PPFIA4: variants seen among roughly 807,000 people sequenced by gnomAD.
The protein encoded by PPFIA4 is PPFI scaffold protein A4, also known as liprin-alpha-4.
A neutral mutation model predicts 145.7 loss-of-function variants in PPFIA4; 98 were observed. The ratio of observed to expected loss-of-function variants is 0.67; its 90% confidence interval spans 0.57 to 0.80. The LOEUF is 0.80. Among genes scored for constraint, PPFIA4 ranks in the 30% least tolerant of loss-of-function variants. The probability of loss-of-function intolerance (pLI) is 0.00; values close to 1 mark genes in which losing one functional copy is unlikely to be tolerated. For missense variants in PPFIA4, 1,457 were observed against 1,632.7 expected, an observed-to-expected ratio of 0.89 and a Z score of 1.85; for synonymous variants, 628 against 649.6, an observed-to-expected ratio of 0.97 and a Z score of 0.51.
At chr1:203,032,889 G>A (rs957542668) in intron 1 of PPFIA4, among the ~76,000 whole-genome samples, 3 of 152,210 alleles carry the variant, frequency 2.0e-5, no homozygotes, top group South Asian at 2.1e-4. Context: ...GAGGATCATG[G>A]TTTAGACAGT....
At position 203,073,549 on chromosome 1, in the gene PPFIA4, C is replaced by A. The variant is rs186051453; in HGVS notation, c.3393+1789C>A. On this transcript the variant is annotated intron_variant, in intron 28 of 29. Transcript: ENST00000295706. ...GGGGTCCAAGGAGACTGCTTCCTGT[C>A]CAACTGTCTAGCACATCATCAGCAA... Among the ~76,000 whole-genome samples the A allele has an allele frequency of 9.4e-5, 13 of 138,558 alleles. 1 individual carries two copies. In the South Asian group the frequency reaches 3.0e-3, roughly 32 times the overall value. 90.9% of individuals were successfully genotyped at this position (138,558 alleles called of 152,430 possible). A position where few individuals can be genotyped will look rare whatever the true frequency, so the allele number is the denominator to read the frequency against.
chr1:203,071,809 G>A (rs370194724), intron 28 of PPFIA4, 49 bp downstream of exon 28: 52 of 1,483,520 alleles, frequency 3.5e-5, no homozygotes, highest in African/African-American at 1.8e-4. Flanking sequence ...GGTCATCTTC[G>A]TTGGATTGAG....
chr1:203,029,327 C>T (rs1658658022), intron 1 of PPFIA4, among the ~76,000 whole-genome samples: 1 of 152,212 alleles, frequency 6.6e-6, no homozygotes, highest in Non-Finnish European at 1.5e-5. Flanking sequence ...CACTTGGTGG[C>T]TGAGAGGCCT....
At chr1:203,051,593 A>G (rs1403782539) in intron 13 of PPFIA4, 176 bp from the exon 14 acceptor site, 6 of 1,218,966 alleles carry the variant, frequency 4.9e-6, no homozygotes, top group African/African-American at 1.5e-5. Flanking sequence ...GCACCAGGGC[A>G]TACGTCTGCT....
Position 203,026,507 on chromosome 1 carries a change from G to A in PPFIA4, c.-522G>A, listed in dbSNP as rs1320820521. The A allele has an allele frequency of 6.6e-6, 1 of 152,302 alleles. No individual in the cohort carries two copies. The highest frequency in any genetic ancestry group is 1.5e-5 in the Non-Finnish European group (1 of 68,142). The allele number at this position is 152,302 out of a possible 1,614,324, so 9.4% of individuals were successfully genotyped here. A position where few individuals can be genotyped will look rare whatever the true frequency, so the allele number is the denominator to read the frequency against. On this transcript the variant is annotated 5_prime_UTR_variant, in exon 1 of 30. Transcript: ENST00000295706. ...CGGGGCCCCGCGGCCGCGCGCTTGG[G>A]CGGCGGAGGCTGCAGCTACCTCGGC...
Position 203,075,735 on chromosome 1 carries a change from G to T in PPFIA4, c.3552G>T (p.Pro1184=). 7.3e-7 allele frequency: 1 copy of T among 1,378,246 alleles called. No homozygotes were observed. The highest frequency in any genetic ancestry group is 9.4e-7 in the Non-Finnish European group (1 of 1,059,548). The allele number at this position is 1,378,246 out of a possible 1,614,324, so 85.4% of individuals were successfully genotyped here. A position where few individuals can be genotyped will look rare whatever the true frequency, so the allele number is the denominator to read the frequency against. ...TLGTLQPPPA[P]PKKIMPEAHS... ...GGACCCTGCAGCCCCCACCGGCCCC[G>T]CCAAAGAAGATCATGCCTGAAGGTG... Residue 1184 remains proline (P), a synonymous_variant, in exon 29 of 30, where the codon CCG becomes CCT. Transcript: ENST00000295706. The surrounding 1 kb of genome is among the most constrained non-coding windows in gnomAD (Gnocchi z 4.1).
intron 23 of PPFIA4, 123 bp downstream of exon 23, chr1:203,061,155 C>T (rs1358591372): frequency 2.2e-6 from 2 of 914,456 alleles, no homozygotes; most frequent in East Asian, 4.8e-5. Flanking sequence ...AGGTTGGTAT[C>T]CCTGAGGTGT....
rs1323593337 is a variant in PPFIA4 at position 203,053,945 on chromosome 1, A to G, written c.1813A>G (p.Ile605Val). 1.3e-6 allele frequency: 2 copies of G among 1,564,576 alleles called. No homozygotes were observed. Among genetic ancestry groups the G allele is most frequent in the South Asian group, 2.4e-5 (2 of 84,900 alleles). The change falls in exon 15 of 30, where the codon ATC becomes GTC. Residue 605 changes from isoleucine (I) to valine (V), a missense_variant. Around this residue, in one of 3 missense-constraint regions of PPFIA4, gnomAD observed 848 missense variants for 1,046.7 expected, o/e 0.81. Transcript: ENST00000295706. ...GATGCTGCAGGAGCAGCTGGATGCCATCAATGAGGAAATCAGGTTAGGGCA... is the reference window on the plus strand; with the variant it reads ...GATGCTGCAGGAGCAGCTGGATGCCGTCAATGAGGAAATCAGGTTAGGGCA... ...AMMLQEQLDAINEEIRMIQEE... is the reference protein window; with the variant it reads ...AMMLQEQLDAVNEEIRMIQEE...
At position 203,075,552 on chromosome 1, in the gene PPFIA4, G is replaced by T; in HGVS notation, c.3394-25G>T. ...ATGGCAATTCCAACAGGGCCCTCGG[G>T]CCTCTGGTGTCCCCCATGGTGCAGG... On this transcript the variant is annotated intron_variant, in intron 28 of 29. Transcript: ENST00000295706. The surrounding 1 kb of genome is among the most constrained non-coding windows in gnomAD (Gnocchi z 4.1). 1 of 1,374,864 alleles carries T rather than the reference G, an allele frequency of 7.3e-7. No homozygotes were observed. 85.2% of individuals were successfully genotyped at this position (1,374,864 alleles called of 1,614,324 possible). A position where few individuals can be genotyped will look rare whatever the true frequency, so the allele number is the denominator to read the frequency against.
intron 18 of PPFIA4, 57 bp downstream of exon 18, chr1:203,056,565 T>C: frequency 6.3e-7 from 1 of 1,582,050 alleles, no homozygotes; most frequent in South Asian, 1.2e-5. Flanking sequence ...TCTCCTCCCT[T>C]CCTCTGCCTC....
At chr1:203,033,830 T>C (rs1023943897) in intron 1 of PPFIA4, among the ~76,000 whole-genome samples, 1 of 151,930 alleles carries the variant, frequency 6.6e-6, no homozygotes, top group East Asian at 1.9e-4. Flanking sequence ...ATAAAAAAAA[T>C]AAAAATAGCC....
At chr1:203,049,229 G>A (rs1660316621) in intron 12 of PPFIA4, among the ~76,000 whole-genome samples, 1 of 152,224 alleles carries the variant, frequency 6.6e-6, no homozygotes, top group Admixed American at 6.5e-5. Context: ...AGGGCCCAGT[G>A]AGGGGCTCCA....
chr1:203,064,131 C>T lies in PPFIA4; in HGVS notation c.3050+128C>T. On this transcript the variant is annotated intron_variant, in intron 25 of 29. Coordinates refer to ENST00000295706, the MANE Select transcript of PPFIA4 (RefSeq NM_001304331.2). ...CTGTTCTGAGTGGCAACAGGTCTCC[C>T]CCTTGGGAAAGTCTCCCTTGTCAAA... is the stretch of plus-strand genomic sequence containing the variant. 3.0e-6 allele frequency: 3 copies of T among 998,666 alleles called. No individual in the cohort carries two copies. The South Asian group carries it at 5.5e-5, about 18-fold the overall frequency. 61.9% of individuals were successfully genotyped at this position (998,666 alleles called of 1,614,324 possible).
chr1:203,039,674 G>C (rs948875810), intron 2 of PPFIA4, among the ~76,000 whole-genome samples: 1 of 152,254 alleles, frequency 6.6e-6, no homozygotes, highest in Admixed American at 6.5e-5. Flanking sequence ...ACATCACATG[G>C]AAGATGATAG....
At chr1:203,053,517 AG>A (rs894455819) in intron 14 of PPFIA4, among the ~76,000 whole-genome samples, 10 of 148,602 alleles carry the variant, frequency 6.7e-5, no homozygotes, top group African/African-American at 2.5e-4. Flanking sequence ...TGGGTGACAG[AG>A]GGAGACTCCA....
rs753460988 is a variant in PPFIA4 at position 203,046,369 on chromosome 1, C to T, written c.1127C>T (p.Ala376Val). Reference sequence around the variant, plus strand: ...GAGGCTGAGCTGGCCCAGAGAATTGCAGCCCTCACCAAGGCAAGTGGGCCA... The same window carrying T: ...GAGGCTGAGCTGGCCCAGAGAATTGTAGCCCTCACCAAGGCAAGTGGGCCA... ...EVEAELAQRI[A>V]ALTKAEERHG... is the part of the protein sequence containing the mutation. Residue 376 changes from alanine to valine, a missense_variant, in exon 9 of 30, where the codon GCA (alanine) becomes GTA (valine). This residue lies in a region of PPFIA4 where 848 missense variants were observed against 1,046.7 expected (regional missense o/e 0.81). Transcript: ENST00000295706. 6.3e-7 allele frequency: 1 copy of T among 1,588,104 alleles called. No individual in the cohort carries two copies. The highest frequency in any genetic ancestry group is 1.1e-5 in the South Asian group (1 of 87,028).
intron 28 of PPFIA4, among the ~76,000 whole-genome samples, chr1:203,073,434 G>A (rs1662306505): frequency 6.6e-6 from 1 of 152,192 alleles, no homozygotes; most frequent in Non-Finnish European, 1.5e-5. Context: ...TCAACTAGGT[G>A]TGGGCTAGAG....
chr1:203,076,382 C>A lies in PPFIA4; in HGVS notation c.3616C>A (p.Arg1206=), dbSNP rs377290747. The A allele has an allele frequency of 1.2e-6, 2 of 1,608,474 alleles. No individual in the cohort carries two copies. The highest frequency in any genetic ancestry group is 2.7e-5 in the African/African-American group (2 of 75,058). ...YLYGHMLSAF[R]D ...CTACGGACACATGCTCTCCGCCTTC[C>A]GGGACTAGCCATGGCCCCCAGGGCT... The change falls in exon 30 of 30, where the codon CGG becomes AGG. Residue 1206 remains arginine, a synonymous_variant. Coordinates refer to ENST00000295706, the MANE Select transcript of PPFIA4 (RefSeq NM_001304331.2).
chr1:203,028,651 G>T (rs1472829865), intron 1 of PPFIA4, among the ~76,000 whole-genome samples: 1 of 152,132 alleles, frequency 6.6e-6, no homozygotes, highest in African/African-American at 2.4e-5. Context: ...GTGTGTGTGT[G>T]TGTGCACACG....
Sources: gnomAD v4.1 joint callset for allele counts (sites outside exome capture counted in the v4.1 genomes callset) on GRCh38, gnomAD v4.1.1 for gene constraint, gnomAD v4.1.1 regional missense constraint, Gnocchi (gnomAD v3.1) non-coding constraint, MANE v1.5 for transcripts, NCBI Gene and HGNC (gene_info 2026-07-23, HGNC 2026-07-21) for gene names.